The following ADGRV1 variants were observed in gnomAD, a reference collection of about 807,000 sequenced individuals.
The protein encoded by ADGRV1 is G-protein coupled receptor 98.
In ADGRV1, 359 loss-of-function variants were observed where a neutral mutation model predicts 596.2. The observed-to-expected ratio is 0.60, with a 90% CI of 0.55 to 0.66. ADGRV1 has a LOEUF of 0.66. Ranked by LOEUF, ADGRV1 falls within the 30% of genes least tolerant of loss-of-function variation. The probability of loss-of-function intolerance (pLI) is 0.00; values close to 1 mark genes in which losing one functional copy is unlikely to be tolerated. For missense variants in ADGRV1, 7,274 were observed against 7,575.6 expected, an observed-to-expected ratio of 0.96 and a Z score of 1.48; for synonymous variants, 2,681 against 2,679.2, an observed-to-expected ratio of 1.00 and a Z score of -0.02.
At chr5:90,891,182 A>G (rs1365824910) in intron 83 of ADGRV1, among the ~76,000 whole-genome samples, 1 of 147,846 alleles carries the variant, frequency 6.8e-6, no homozygotes, top group Admixed American at 6.8e-5. Flanking sequence ...ATTATAATAT[A>G]TATTATTTAT....
In ADGRV1 at chr5:90,672,630, T is replaced by A. The variant is rs1400496944; in HGVS notation, c.4837T>A (p.Ser1613Thr). Residue 1613 changes from serine to threonine, a missense_variant, in exon 22 of 90, where the codon TCA becomes ACA. Physicochemically the swap from Ser to Thr is moderately conservative, Grantham distance 58 (BLOSUM62 1). Around this residue, in one of 5 missense-constraint regions of ADGRV1, gnomAD observed 3,643 missense variants for 3,809.2 expected, o/e 0.96. Transcript: ENST00000405460. Reference protein sequence around the residue: ...LDYVHVFYTISQIETDGINYL... With the variant: ...LDYVHVFYTITQIETDGINYL... The stretch of plus-strand genomic sequence containing the variant: ...TTATGTGCATGTTTTTTACACCATT[T>A]CACAGATTGAAACTGATGGCATTAA... The A allele has an allele frequency of 6.2e-7, 1 of 1,613,780 alleles. No homozygotes were observed. Among genetic ancestry groups the A allele is most frequent in the Non-Finnish European group, 8.5e-7 (1 of 1,179,690 alleles).
chr5:90,571,220 CAG>C (rs904781208), intron 1 of ADGRV1, among the ~76,000 whole-genome samples: 29 of 151,944 alleles, frequency 1.9e-4, no homozygotes, highest in Admixed American at 1.5e-3. Flanking sequence ...TCCTGGGAAA[CAG>C]TAAGTCTCCC....
At chr5:91,052,843 A>G (rs978607921) in intron 85 of ADGRV1, among the ~76,000 whole-genome samples, 7 of 152,152 alleles carry the variant, frequency 4.6e-5, no homozygotes, top group Admixed American at 1.3e-4. Context: ...ATTTAGATTA[A>G]AAAAGTCAGG....
At chr5:91,121,191 G>A (rs1255828330) in intron 87 of ADGRV1, among the ~76,000 whole-genome samples, 1 of 151,966 alleles carries the variant, frequency 6.6e-6, no homozygotes, top group Non-Finnish European at 1.5e-5. Context: ...AAATAAAAAA[G>A]GAAAGTACAG....
chr5:90,871,371 C>T lies in ADGRV1; in HGVS notation c.17856+7514C>T, dbSNP rs574969318. Reference sequence around the variant, plus strand: ...AGTCTCTTAATAATAAAATCGAATTCCTTTTCCTCAACAAGCTTTCAAAAT... The same window carrying T: ...AGTCTCTTAATAATAAAATCGAATTTCTTTTCCTCAACAAGCTTTCAAAAT... On this transcript the variant is annotated intron_variant, in intron 83 of 89. Transcript: ENST00000405460. Among the ~76,000 whole-genome samples, 24 of 152,220 alleles carry T rather than the reference C, an allele frequency of 1.6e-4. 1 individual carries two copies. In the South Asian group the frequency reaches 4.6e-3, roughly 29 times the overall value.
chr5:90,808,866 A>G (rs1310492561), intron 73 of ADGRV1, among the ~76,000 whole-genome samples: 1 of 152,130 alleles, frequency 6.6e-6, no homozygotes, highest in Non-Finnish European at 1.5e-5. Flanking sequence ...ACAGTGCTCC[A>G]GCCTGGGCAA....
At chr5:90,834,376 C>T (rs1764778607) in intron 77 of ADGRV1, among the ~76,000 whole-genome samples, 1 of 152,124 alleles carries the variant, frequency 6.6e-6, no homozygotes, top group African/African-American at 2.4e-5. Context: ...GAAAGTCTTT[C>T]TCCTTCATGT....
At chr5:90,613,584 A>G (rs1762974659) in intron 1 of ADGRV1, among the ~76,000 whole-genome samples, 1 of 152,016 alleles carries the variant, frequency 6.6e-6, no homozygotes, top group Non-Finnish European at 1.5e-5. Flanking sequence ...GAGAGAAGGG[A>G]CAGGTACAAA....
chr5:90,778,915 C>G lies in ADGRV1; in HGVS notation c.12900C>G (p.Leu4300=). Residue 4300 remains leucine (L), a synonymous_variant, in exon 64 of 90, where the codon CTC becomes CTG. Transcript: ENST00000405460. Reference sequence around the variant, plus strand: ...GTGGAGATTTTGGCCATGTGCGACTCTGGTACAAGACGATGAGCGGGACAG... The same window carrying G: ...GTGGAGATTTTGGCCATGTGCGACTGTGGTACAAGACGATGAGCGGGACAG... ...RSSGDFGHVR[L]WYKTMSGTAE... 1.2e-6 allele frequency: 2 copies of G among 1,613,416 alleles called. No individual in the cohort carries two copies. Among genetic ancestry groups the G allele is most frequent in the Non-Finnish European group, 1.7e-6 (2 of 1,179,500 alleles).
Position 90,675,456 on chromosome 5 carries a change from C to T in ADGRV1, c.5313+11C>T, listed in dbSNP as rs1773095525. On this transcript the variant is annotated intron_variant, in intron 24 of 89. Coordinates refer to ENST00000405460, the MANE Select transcript of ADGRV1 (RefSeq NM_032119.4). ...CCTGAGGATTACCAGGTAATTTACT[C>T]AGTCCTTTTGAAGTTGTATTTGCAC... 3.1e-6 allele frequency: 5 copies of T among 1,607,580 alleles called. No homozygotes were observed. In the East Asian group the frequency reaches 8.9e-5, roughly 29 times the overall value.
intron 29 of ADGRV1, among the ~76,000 whole-genome samples, chr5:90,689,256 A>T (rs1746136094): frequency 6.7e-6 from 1 of 149,946 alleles, no homozygotes; most frequent in South Asian, 2.2e-4. Context: ...ACACTGACAG[A>T]TGGTGGGGAT....
intron 76 of ADGRV1, among the ~76,000 whole-genome samples, chr5:90,824,240 T>C (rs532556416): frequency 6.6e-6 from 1 of 152,256 alleles, no homozygotes; most frequent in Non-Finnish European, 1.5e-5. Context: ...GTCTTTTGTC[T>C]TTTCAATATT....
intron 83 of ADGRV1, among the ~76,000 whole-genome samples, chr5:90,959,267 TA>T (rs1777763452): frequency 6.6e-6 from 1 of 151,852 alleles, no homozygotes; most frequent in African/African-American, 2.4e-5. Flanking sequence ...ATAAAAGAAT[TA>T]GGGGTAAATC....
At chr5:91,072,673 T>A in intron 86 of ADGRV1, 69 bp downstream of exon 86, 1 of 1,513,814 alleles carries the variant, frequency 6.6e-7, no homozygotes, top group Non-Finnish European at 9.0e-7. Context: ...GTCACTGAAT[T>A]TTTTTTATCA....
At chr5:91,029,277 G>C (rs1266240769) in intron 85 of ADGRV1, among the ~76,000 whole-genome samples, 1 of 152,140 alleles carries the variant, frequency 6.6e-6, no homozygotes, top group African/African-American at 2.4e-5. Context: ...TCAATATAAT[G>C]TTTTAGATGT....
At position 90,777,963 on chromosome 5, in the gene ADGRV1, C is replaced by T. The variant is rs397517420; in HGVS notation, c.12586C>T (p.Pro4196Ser). The T allele has an allele frequency of 2.7e-5, 43 of 1,611,802 alleles. 1 individual carries two copies. The East Asian group carries it at 5.8e-4, about 22-fold the overall frequency. ...EVTVFWRIFP[P>S]SVGEFAETSG... is the part of the protein sequence containing the mutation. ...CACAGTGTTCTGGAGGATATTCCCTCCTTCCGTGGGGGAATTTGCTGAAAC... is the reference window on the plus strand; with the variant it reads ...CACAGTGTTCTGGAGGATATTCCCTTCTTCCGTGGGGGAATTTGCTGAAAC... The change falls in exon 62 of 90, where the codon CCT (proline) becomes TCT (serine). Residue 4196 changes from proline to serine, a missense_variant. Pro to Ser is a moderately conservative substitution (Grantham distance 74, BLOSUM62 -1). Transcript: ENST00000405460.
rs747645918 is a variant in ADGRV1, at chr5:90,805,406, T to C, written c.14784T>C (p.Pro4928=). 1.2e-6 allele frequency: 2 copies of C among 1,605,178 alleles called. No homozygotes were observed. The highest frequency in any genetic ancestry group is 3.3e-5 in the Admixed American group (2 of 59,832). The change falls in exon 72 of 90, where the codon CCT becomes CCC. Residue 4928 remains proline, a synonymous_variant. Transcript: ENST00000405460. ...TTGCCTGGACCACTGGATATGCTCCTGGGTTAGAAATTCCTGAATTCATTG... is the reference window on the plus strand; with the variant it reads ...TTGCCTGGACCACTGGATATGCTCCCGGGTTAGAAATTCCTGAATTCATTG... The part of the protein sequence containing the change: ...LSVAWTTGYA[P]GLEIPEFIVV...
intron 87 of ADGRV1, among the ~76,000 whole-genome samples, chr5:91,105,332 T>G (rs938841233): frequency 2.0e-5 from 3 of 152,208 alleles, no homozygotes; most frequent in Non-Finnish European, 4.4e-5. Context: ...ACACTGATTT[T>G]CTTTCCTTAG....
intron 9 of ADGRV1, among the ~76,000 whole-genome samples, chr5:90,631,065 T>C (rs1765436129): frequency 6.6e-6 from 1 of 152,212 alleles, no homozygotes; most frequent in Non-Finnish European, 1.5e-5. Flanking sequence ...GCACCTGAAA[T>C]GTGAAATTTT....
Sources: gnomAD v4.1 joint callset for allele counts (sites outside exome capture counted in the v4.1 genomes callset) on GRCh38, gnomAD v4.1.1 for gene constraint, gnomAD v4.1.1 regional missense constraint, MANE v1.5 for transcripts, NCBI Gene and HGNC (gene_info 2026-07-23, HGNC 2026-07-21) for gene names.